The following PCDHA11 variants were observed in gnomAD, a reference collection of about 807,000 sequenced individuals.
The protein encoded by PCDHA11 is protocadherin alpha 11, also known as protocadherin alpha-11.
PCDHA11 carries 61 observed loss-of-function variants against 70.3 expected under a neutral mutation model. The observed-to-expected ratio is 0.87, with a 90% CI of 0.71 to 1.07. PCDHA11 has a LOEUF of 1.07. Ranked by LOEUF, PCDHA11 falls within the 50% of genes least tolerant of loss-of-function variation. The pLI, the probability that PCDHA11 is intolerant of heterozygous loss-of-function variation, is 0.00. For synonymous variants in PCDHA11, 633 were observed against 555.1 expected, an observed-to-expected ratio of 1.14 and a Z score of -1.97; for missense variants, 1,324 against 1,237.5, an observed-to-expected ratio of 1.07 and a Z score of -1.05.
chr5:140,923,039 A>G (rs998399771), intron 1 of PCDHA11, among the ~76,000 whole-genome samples: 2 of 152,236 alleles, frequency 1.3e-5, no homozygotes, highest in Non-Finnish European at 2.9e-5. Context: ...TACTACATGT[A>G]TAGTATTTAG....
chr5:141,001,058 A>G (rs1554257985), intron 3 of PCDHA11, among the ~76,000 whole-genome samples: 2 of 152,146 alleles, frequency 1.3e-5, no homozygotes, highest in African/African-American at 4.8e-5. Flanking sequence ...TAAATCATTT[A>G]AAATTAAATA....
At chr5:140,958,620 T>C (rs1260968586) in intron 1 of PCDHA11, among the ~76,000 whole-genome samples, 1 of 152,132 alleles carries the variant, frequency 6.6e-6, no homozygotes, top group African/African-American at 2.4e-5. Flanking sequence ...CTAGTCCAGC[T>C]TGAGAGTACT....
intron 1 of PCDHA11, among the ~76,000 whole-genome samples, chr5:140,933,676 A>AT (rs1400784175): frequency 6.6e-6 from 1 of 151,552 alleles, no homozygotes; most frequent in Non-Finnish European, 1.5e-5. Context: ...TCTCTCTCAC[A>AT]TTTTTTTTCC....
In PCDHA11 at chr5:140,969,065, A is replaced by G. The variant is rs1554231418; in HGVS notation, c.2392-9884A>G. 4.3e-6 allele frequency: 7 copies of G among 1,614,188 alleles called. No individual in the cohort carries two copies. The East Asian group carries it at 1.6e-4, about 36-fold the overall frequency. On this transcript the variant is annotated intron_variant, in intron 1 of 3. Coordinates refer to ENST00000398640, the MANE Select transcript of PCDHA11 (RefSeq NM_018902.5). ...ACAAGCCAACAACAATATTGATGCC[A>G]GGATACCGCATGGCCTCAAAGTGCA...
At chr5:140,952,098 C>T (rs1337442909) in intron 1 of PCDHA11, among the ~76,000 whole-genome samples, 2 of 152,108 alleles carry the variant, frequency 1.3e-5, no homozygotes, top group African/African-American at 4.8e-5. Flanking sequence ...ACATCCAGGG[C>T]ACACTCGTGT....
intron 1 of PCDHA11, among the ~76,000 whole-genome samples, chr5:140,935,451 T>C (rs2090381894): frequency 6.6e-6 from 1 of 152,232 alleles, no homozygotes; most frequent in African/African-American, 2.4e-5. Context: ...AATATGATAC[T>C]GTAGCAGTTT....
intron 3 of PCDHA11, among the ~76,000 whole-genome samples, chr5:141,007,388 TAAAATAC>T (rs1451350698): frequency 1.5e-5 from 1 of 67,196 alleles, no homozygotes; most frequent in Non-Finnish European, 2.7e-5. Context: ...CCATCTCTAC[TAAAATAC>T]AAAAAAAAAA....
chr5:140,870,200 C>G lies in PCDHA11; in HGVS notation c.1097C>G (p.Thr366Arg), dbSNP rs377755323. ...LPVREDAQPS[T>R]VIALISVSDR... Reference sequence around the variant, plus strand: ...GTACGAGAGGACGCTCAGCCCAGCACGGTCATTGCCCTGATCAGCGTGTCT... The same window carrying G: ...GTACGAGAGGACGCTCAGCCCAGCAGGGTCATTGCCCTGATCAGCGTGTCT... Residue 366 changes from threonine to arginine, a missense_variant, in exon 1 of 4, where the codon ACG becomes AGG. Physicochemically the swap from Thr to Arg is moderately conservative, Grantham distance 71 (BLOSUM62 -1). Transcript: ENST00000398640. 7 of 1,614,056 alleles carry G rather than the reference C, an allele frequency of 4.3e-6. No homozygotes were observed. The African/African-American group carries it at 9.3e-5, about 22-fold the overall frequency.
In PCDHA11 at chr5:140,870,325, C is replaced by T. The variant is rs1554164071; in HGVS notation, c.1222C>T (p.Leu408=). The T allele has an allele frequency of 6.2e-7, 1 of 1,614,080 alleles. No individual in the cohort carries two copies. The highest frequency in any genetic ancestry group is 1.3e-5 in the African/African-American group (1 of 74,938). ...STFKNYYSLV[L]DSALDRENVW... ...CTTCAAGAATTACTACTCGTTGGTGCTGGACAGCGCCCTGGACCGCGAGAA... is the reference window on the plus strand; with the variant it reads ...CTTCAAGAATTACTACTCGTTGGTGTTGGACAGCGCCCTGGACCGCGAGAA... The change falls in exon 1 of 4, where the codon CTG becomes TTG. Residue 408 remains leucine (L), a synonymous_variant. Transcript: ENST00000398640.
intron 3 of PCDHA11, among the ~76,000 whole-genome samples, chr5:140,995,391 G>A (rs2097681152): frequency 1.3e-5 from 2 of 152,170 alleles, no homozygotes; most frequent in African/African-American, 2.4e-5. Context: ...AGGATAAAGC[G>A]GGATGGCTCG....
At chr5:140,905,950 T>C (rs2072233262) in intron 1 of PCDHA11, among the ~76,000 whole-genome samples, 1 of 152,206 alleles carries the variant, frequency 6.6e-6, no homozygotes, top group Non-Finnish European at 1.5e-5. Flanking sequence ...TGGAATCCGA[T>C]GTTCAAGGGG....
chr5:140,941,185 CT>C (rs782102770), intron 1 of PCDHA11, among the ~76,000 whole-genome samples: 20 of 102,174 alleles, frequency 2.0e-4, no homozygotes, highest in Admixed American at 7.9e-4. Context: ...CATCCTGCTT[CT>C]TTTTTTTTCT....
intron 1 of PCDHA11, among the ~76,000 whole-genome samples, chr5:140,959,041 T>C (rs1291778863): frequency 2.6e-5 from 4 of 152,118 alleles, no homozygotes; most frequent in Non-Finnish European, 5.9e-5. Flanking sequence ...GGTATGTATG[T>C]ATAGGAAAAA....
At chr5:140,877,633 C>A (rs1366996546) in intron 1 of PCDHA11, 7 of 1,613,622 alleles carry the variant, frequency 4.3e-6, no homozygotes, top group Non-Finnish European at 5.1e-6. Context: ...GTACACTGCG[C>A]TGCGTTGCTC....
At chr5:140,972,990 G>A (rs185555684) in intron 1 of PCDHA11, among the ~76,000 whole-genome samples, 2 of 152,188 alleles carry the variant, frequency 1.3e-5, no homozygotes, top group African/African-American at 4.8e-5. Context: ...GGTAGATTCT[G>A]TGCATTTGTG....
intron 1 of PCDHA11, among the ~76,000 whole-genome samples, chr5:140,945,495 C>A (rs1585197828): frequency 6.6e-6 from 1 of 152,022 alleles, no homozygotes; most frequent in East Asian, 1.9e-4. Context: ...ATACCCAAAG[C>A]AATATTGAGC....
intron 1 of PCDHA11, among the ~76,000 whole-genome samples, chr5:140,900,525 C>A (rs1322679465): frequency 6.6e-6 from 1 of 152,232 alleles, no homozygotes; most frequent in East Asian, 1.9e-4. Context: ...GATCTGCCCA[C>A]CTCGGCTTTC....
chr5:140,903,180 T>C (rs149488870), intron 1 of PCDHA11, among the ~76,000 whole-genome samples: 1,613 of 152,324 alleles, frequency 0.011, 17 homozygotes, highest in African/African-American at 0.028. Context: ...TTCCCACCAA[T>C]AGTATAAAAG....
rs577022008 is a variant in PCDHA11, at chr5:140,921,827, C to T, written c.2391+50333C>T. Among the ~76,000 whole-genome samples, 6 of 151,924 alleles carry T rather than the reference C, an allele frequency of 3.9e-5. No homozygotes were observed. In the South Asian group the frequency reaches 1.2e-3, roughly 32 times the overall value. On this transcript the variant is annotated intron_variant, in intron 1 of 3. Coordinates refer to ENST00000398640, the MANE Select transcript of PCDHA11 (RefSeq NM_018902.5). Reference sequence around the variant, plus strand: ...TAAGATACATGTGTGAATATCTATACACATATAGACATATTTATAGATGTG... The same window carrying T: ...TAAGATACATGTGTGAATATCTATATACATATAGACATATTTATAGATGTG...
Sources: gnomAD v4.1 joint callset for allele counts (sites outside exome capture counted in the v4.1 genomes callset) on GRCh38, gnomAD v4.1.1 for gene constraint, MANE v1.5 for transcripts, NCBI Gene and HGNC (gene_info 2026-07-23, HGNC 2026-07-21) for gene names.